Variants in DACH2 observed in about 807,000 individuals in gnomAD.
DACH2 encodes the protein dachshund family transcription factor 2, also known as dachshund homolog 2.
Under a neutral mutation model 35.8 loss-of-function variants are expected in DACH2, and 17 were observed. That is an observed-to-expected ratio of 0.48 (90% confidence interval 0.33 to 0.71). The LOEUF (loss-of-function observed/expected upper bound fraction) is 0.71, where lower values mean the gene tolerates loss of function less well. Ranked by LOEUF, DACH2 falls within the 30% of genes least tolerant of loss-of-function variation. The pLI is 0.02. For synonymous variants in DACH2, 195 were observed against 177.3 expected (o/e 1.10, Z -0.79); for missense variants, 469 against 472.7 (o/e 0.99, Z 0.07).
chrX:86,479,135 C>T (rs1411219304), intron 2 of DACH2, among the ~76,000 whole-genome samples: 1 of 111,171 alleles, frequency 9.0e-6, no homozygotes, highest in Admixed American at 9.6e-5. Flanking sequence ...GAGACCACGT[C>T]GTTTCGCTGT....
chrX:86,248,967 T>A (rs928420192), intron 1 of DACH2, among the ~76,000 whole-genome samples: 5 of 111,523 alleles, frequency 4.5e-5, no homozygotes, highest in African/African-American at 1.6e-4. Flanking sequence ...GAACTCCCTA[T>A]TCAATAAATA....
At chrX:86,402,504 C>T (rs899572989) in intron 2 of DACH2, among the ~76,000 whole-genome samples, 2 of 110,813 alleles carry the variant, frequency 1.8e-5, no homozygotes, top group African/African-American at 3.3e-5. Context: ...AGGAGAAATA[C>T]AAGACATTGC....
chrX:86,240,894 A>T, intron 1 of DACH2, among the ~76,000 whole-genome samples: 1 of 111,204 alleles, frequency 9.0e-6, no homozygotes, highest in Non-Finnish European at 1.9e-5. Flanking sequence ...TAAGACGTAC[A>T]TGCTTCCCCT....
chrX:86,421,552 C>T (rs981508285), intron 2 of DACH2, among the ~76,000 whole-genome samples: 2 of 111,252 alleles, frequency 1.8e-5, no homozygotes, highest in Non-Finnish European at 3.8e-5. Context: ...ATTTTCTTTG[C>T]CTTTTTCATC....
chrX:86,791,243 A>T (rs1369853353), intron 7 of DACH2, among the ~76,000 whole-genome samples: 2 of 111,250 alleles, frequency 1.8e-5, no homozygotes, highest in Non-Finnish European at 3.8e-5. Context: ...TACTAAGGAC[A>T]TAAAACAATT....
intron 1 of DACH2, among the ~76,000 whole-genome samples, chrX:86,340,457 C>A (rs1003768035): frequency 3.6e-5 from 4 of 111,221 alleles, no homozygotes; most frequent in African/African-American, 1.3e-4. Context: ...GTGTTCTCAT[C>A]GCTCCACTGA....
intron 11 of DACH2, among the ~76,000 whole-genome samples, chrX:86,825,180 C>T (rs748961621): frequency 5.4e-5 from 6 of 111,164 alleles, no homozygotes; most frequent in South Asian, 7.6e-4. Flanking sequence ...TTTGGGAGAC[C>T]GAGGCAGGTG....
intron 7 of DACH2, among the ~76,000 whole-genome samples, chrX:86,784,460 A>G (rs1011022967): frequency 2.7e-5 from 3 of 112,143 alleles, no homozygotes; most frequent in Non-Finnish European, 5.6e-5. Flanking sequence ...AATGGCTATC[A>G]ATAAAAAATC....
intron 1 of DACH2, among the ~76,000 whole-genome samples, chrX:86,308,873 G>A (rs764564044): frequency 9.0e-6 from 1 of 111,252 alleles, no homozygotes; most frequent in South Asian, 3.8e-4. Flanking sequence ...AATTAATGGA[G>A]TTTTAGCTCA....
chrX:86,637,411 G>A (rs1298849975), intron 3 of DACH2, among the ~76,000 whole-genome samples: 1 of 108,964 alleles, frequency 9.2e-6, no homozygotes, highest in African/African-American at 3.3e-5. Flanking sequence ...TGTGTTGAAT[G>A]GTATTATTAT....
At chrX:86,206,808 A>G (rs1480946237) in intron 1 of DACH2, among the ~76,000 whole-genome samples, 1 of 112,059 alleles carries the variant, frequency 8.9e-6, no homozygotes, top group East Asian at 2.8e-4. Context: ...TTTCAAACCT[A>G]GCGTGTTGCC....
intron 1 of DACH2, among the ~76,000 whole-genome samples, chrX:86,176,569 C>T (rs776320852): frequency 4.0e-4 from 44 of 110,939 alleles, no homozygotes; most frequent in Non-Finnish European, 7.8e-4. Context: ...TCAGATTTTA[C>T]GTTGTTAAAC....
chrX:86,562,790 T>C (rs2039241367), intron 3 of DACH2, among the ~76,000 whole-genome samples: 1 of 111,623 alleles, frequency 9.0e-6, no homozygotes, highest in Admixed American at 9.6e-5. Context: ...CTTTTGCATG[T>C]TATTATTTCT....
intron 1 of DACH2, among the ~76,000 whole-genome samples, chrX:86,295,374 G>A (rs193195580): frequency 1.3e-4 from 15 of 112,007 alleles, no homozygotes; most frequent in East Asian, 2.8e-4. Flanking sequence ...GAAATCACCC[G>A]TCTTCTGCGT....
intron 3 of DACH2, among the ~76,000 whole-genome samples, chrX:86,518,644 T>A (rs770805223): frequency 8.9e-6 from 1 of 111,973 alleles, no homozygotes; most frequent in African/African-American, 3.2e-5. Context: ...GATGTTTTAT[T>A]GATTTTATGA....
At position 86,814,090 on chromosome X, in the gene DACH2, T is replaced by C. The variant is rs376717155; in HGVS notation, c.1538-598T>C. 3.6e-4 allele frequency among the ~76,000 whole-genome samples: 40 copies of C among 111,063 alleles called. 1 individual carries two copies. The East Asian group carries it at 8.3e-3, about 23-fold the overall frequency. On this transcript the variant is annotated intron_variant, in intron 9 of 11. Transcript: ENST00000373125. ...GACGGAAATCTCATTATGCAGCCTATGACTGTATATGCACATACAGAGAAA... is the reference window on the plus strand; with the variant it reads ...GACGGAAATCTCATTATGCAGCCTACGACTGTATATGCACATACAGAGAAA...
At chrX:86,460,819 A>C (rs758001962) in intron 2 of DACH2, among the ~76,000 whole-genome samples, 1 of 110,619 alleles carries the variant, frequency 9.0e-6, no homozygotes, top group South Asian at 3.8e-4. Flanking sequence ...CAAATTAGTA[A>C]TTTTCAAGAA....
intron 2 of DACH2, among the ~76,000 whole-genome samples, chrX:86,396,788 G>C (rs1461946628): frequency 9.0e-6 from 1 of 111,071 alleles, no homozygotes; most frequent in Admixed American, 9.6e-5. Flanking sequence ...TTTGGTTACT[G>C]TAGCCTTGTA....
chrX:86,542,290 A>T (rs2038895876), intron 3 of DACH2, among the ~76,000 whole-genome samples: 1 of 111,336 alleles, frequency 9.0e-6, no homozygotes, highest in Admixed American at 9.6e-5. Flanking sequence ...GGAGGTGGGG[A>T]TTACTGGGAG....
Sources: gnomAD v4.1 joint callset for allele counts (sites outside exome capture counted in the v4.1 genomes callset) on GRCh38, gnomAD v4.1.1 for gene constraint, MANE v1.5 for transcripts, NCBI Gene and HGNC (gene_info 2026-07-23, HGNC 2026-07-21) for gene names.